Variants in GRIP1 observed in about 807,000 individuals in gnomAD.
GRIP1 encodes the protein glutamate receptor interacting protein 1, also known as glutamate receptor-interacting protein 1.
In GRIP1, 45 loss-of-function variants were observed where a neutral mutation model predicts 129.9. The ratio of observed to expected loss-of-function variants is 0.35; its 90% CI spans 0.27 to 0.44. GRIP1 has a LOEUF of 0.44. GRIP1 is among the 20% of genes least tolerant of loss of function. The probability of loss-of-function intolerance (pLI) is 1.00; values close to 1 mark genes in which losing one functional copy is unlikely to be tolerated. For missense variants in GRIP1, 1,196 were observed against 1,396.8 expected, an observed-to-expected ratio of 0.86 and a Z score of 2.29; for synonymous variants, 530 against 520.8, an observed-to-expected ratio of 1.02 and a Z score of -0.24.
chr12:66,412,877 A>C (rs2057452384), intron 15 of GRIP1, among the ~76,000 whole-genome samples: 1 of 151,734 alleles, frequency 6.6e-6, no homozygotes. Context: ...CAAAGATAGA[A>C]AAAAAATGTT....
At chr12:66,793,241 A>G (rs751351086) in intron 1 of GRIP1, among the ~76,000 whole-genome samples, 5 of 152,196 alleles carry the variant, frequency 3.3e-5, no homozygotes, top group Non-Finnish European at 5.9e-5. Context: ...AAATGCATTC[A>G]TATTCAAATA....
intron 12 of GRIP1, among the ~76,000 whole-genome samples, 158 bp downstream of exon 12, chr12:66,445,164 A>C (rs1415360936): frequency 6.6e-6 from 1 of 152,194 alleles, no homozygotes; most frequent in African/African-American, 2.4e-5. Context: ...ACTCTTTTCA[A>C]ACCTGATCAA....
chr12:66,954,656 G>A (rs1041275352), intron 1 of GRIP1, among the ~76,000 whole-genome samples: 4 of 152,154 alleles, frequency 2.6e-5, no homozygotes, highest in Admixed American at 2.0e-4. Flanking sequence ...TCAACCATTC[G>A]ATGTGGAACA....
At chr12:66,927,861 T>A (rs528291541) in intron 1 of GRIP1, among the ~76,000 whole-genome samples, 5 of 152,314 alleles carry the variant, frequency 3.3e-5, no homozygotes, top group Admixed American at 3.3e-4. Flanking sequence ...GCCTTGGTGA[T>A]AATGGTTCAG....
At chr12:66,718,028 T>C (rs1243330133) in intron 1 of GRIP1, among the ~76,000 whole-genome samples, 2 of 152,118 alleles carry the variant, frequency 1.3e-5, no homozygotes, top group Non-Finnish European at 2.9e-5. Flanking sequence ...CAACACAGTT[T>C]CCATGGAGAT....
chr12:66,599,097 T>C (rs1029146954), intron 1 of GRIP1, among the ~76,000 whole-genome samples: 2 of 152,264 alleles, frequency 1.3e-5, no homozygotes, highest in African/African-American at 4.8e-5. Context: ...CTTTAAAAGG[T>C]TGAAACTGAA....
intron 1 of GRIP1, among the ~76,000 whole-genome samples, chr12:66,765,120 T>A (rs1177039611): frequency 6.9e-6 from 1 of 144,062 alleles, no homozygotes; most frequent in Non-Finnish European, 1.5e-5. Context: ...ACTAAATATG[T>A]ACCCTTCATT....
intron 1 of GRIP1, among the ~76,000 whole-genome samples, chr12:66,914,424 C>A (rs2041085621): frequency 6.6e-6 from 1 of 152,194 alleles, no homozygotes; most frequent in African/African-American, 2.4e-5. Context: ...CTTGCATCAT[C>A]TTTTCTGCTT....
At chr12:66,580,388 A>T (rs200443102) in intron 2 of GRIP1, among the ~76,000 whole-genome samples, 34,170 of 147,266 alleles carry the variant, frequency 0.23, 3,926 homozygotes, top group Admixed American at 0.26. Context: ...TCATGACAGG[A>T]TCAAATTCAC....
intron 1 of GRIP1, among the ~76,000 whole-genome samples, chr12:67,044,444 C>T (rs767525343): frequency 2.6e-5 from 4 of 152,150 alleles, no homozygotes; most frequent in South Asian, 2.1e-4. Flanking sequence ...TCACTCTCAC[C>T]TTCTATAGAA....
chr12:66,469,719 G>A (rs2059384896), intron 7 of GRIP1, among the ~76,000 whole-genome samples: 1 of 152,148 alleles, frequency 6.6e-6, no homozygotes, highest in African/African-American at 2.4e-5. Flanking sequence ...TACAGAACAT[G>A]AGCTCAGTCT....
At chr12:66,915,238 AACTG>A (rs144897614) in intron 1 of GRIP1, among the ~76,000 whole-genome samples, 4,920 of 152,288 alleles carry the variant, frequency 0.032, 93 homozygotes, top group Middle Eastern at 0.048. Flanking sequence ...TCTCCCAGAG[AACTG>A]ACTAAGTGAG....
chr12:66,899,644 C>T (rs927405830), intron 1 of GRIP1, among the ~76,000 whole-genome samples: 1 of 152,178 alleles, frequency 6.6e-6, no homozygotes, highest in African/African-American at 2.4e-5. Context: ...GGATTACAAG[C>T]ATGAGCCACT....
chr12:67,065,297 C>G (rs937816213), intron 1 of GRIP1: 1 of 152,242 alleles, frequency 6.6e-6, no homozygotes, highest in Non-Finnish European at 1.5e-5. Flanking sequence ...AGTGATTGCA[C>G]CACTGCACTC....
At chr12:66,553,679 C>T (rs1468144893) in intron 2 of GRIP1, among the ~76,000 whole-genome samples, 2 of 151,902 alleles carry the variant, frequency 1.3e-5, no homozygotes, top group African/African-American at 4.8e-5. Flanking sequence ...GAAAAACAGT[C>T]TTGAATTGCC....
chr12:66,820,126 C>T (rs1276351057), intron 1 of GRIP1, among the ~76,000 whole-genome samples: 1 of 152,144 alleles, frequency 6.6e-6, no homozygotes, highest in Non-Finnish European at 1.5e-5. Flanking sequence ...TTGAAATACG[C>T]TGGGCTGGGC....
At chr12:66,593,538 T>C (rs1359831021) in intron 2 of GRIP1, among the ~76,000 whole-genome samples, 1 of 151,920 alleles carries the variant, frequency 6.6e-6, no homozygotes, top group Non-Finnish European at 1.5e-5. Flanking sequence ...AATGTTAACT[T>C]CAGGAAGCAC....
chr12:66,802,092 G>A (rs1156920842), intron 1 of GRIP1, among the ~76,000 whole-genome samples: 3 of 152,042 alleles, frequency 2.0e-5, no homozygotes, highest in Non-Finnish European at 2.9e-5. Flanking sequence ...CCCTGAAACC[G>A]AAGCCAAAAG....
chr12:66,467,574 T>A (rs1353917351), intron 7 of GRIP1, among the ~76,000 whole-genome samples: 1 of 152,212 alleles, frequency 6.6e-6, no homozygotes, highest in Non-Finnish European at 1.5e-5. Flanking sequence ...CCCCGCAGCC[T>A]CTGTTTTAGT....
Sources: gnomAD v4.1 joint callset for allele counts (sites outside exome capture counted in the v4.1 genomes callset) on GRCh38, gnomAD v4.1.1 for gene constraint, MANE v1.5 for transcripts, NCBI Gene and HGNC (gene_info 2026-07-23, HGNC 2026-07-21) for gene names.